UGT1A3: variants seen among roughly 807,000 people sequenced by gnomAD.
UGT1A3 encodes UDP-glucuronosyltransferase 1A3.
A neutral mutation model predicts 41.0 loss-of-function variants in UGT1A3; 31 were observed. The ratio of observed to expected loss-of-function variants is 0.76; its 90% CI spans 0.57 to 1.02. The LOEUF is 1.02. UGT1A3 is among the 50% of genes least tolerant of loss of function. The pLI, the probability that UGT1A3 is intolerant of heterozygous loss-of-function variation, is 0.00. For missense variants in UGT1A3, 737 were observed against 671.0 expected, an observed-to-expected ratio of 1.10 and a Z score of -1.09; for synonymous variants, 262 against 257.6, an observed-to-expected ratio of 1.02 and a Z score of -0.17.
In UGT1A3 at chr2:233,769,571, G is replaced by A. The variant is rs1223462167; in HGVS notation, c.1307+1132G>A. On this transcript the variant is annotated intron_variant, in intron 4 of 4. Coordinates refer to ENST00000482026, the MANE Select transcript of UGT1A3 (RefSeq NM_019093.4). This position sits in a 1 kb window ranked among gnomAD's most constrained non-coding sequence, Gnocchi z 4.4. ...AGGAAGACAGATGTGAAGAGCTGGAGCATGTTCAGATGAGAGGAGACGGAA... is the reference window on the plus strand; with the variant it reads ...AGGAAGACAGATGTGAAGAGCTGGAACATGTTCAGATGAGAGGAGACGGAA... 1 of 1,612,768 alleles carries A rather than the reference G, an allele frequency of 6.2e-7. No homozygotes were observed. The highest frequency in any genetic ancestry group is 1.3e-5 in the African/African-American group (1 of 74,922).
chr2:233,772,831 T>TCACACAAGAAAGCCAGCAAGGAAGCAAGG lies in UGT1A3; in HGVS notation c.*273_*274insACACAAGAAAGCCAGCAAGGAAGCAAGGC. On this transcript the variant is annotated 3_prime_UTR_variant, in exon 5 of 5. Coordinates refer to ENST00000482026, the MANE Select transcript of UGT1A3 (RefSeq NM_019093.4). ...AGAGGACGTGCAGACAGGCTGGCAT[T>TCACACAAGAAAGCCAGCAAGGAAGCAAGG]CTAGATTACTTTTCTTACTCTGAAA... The TCACACAAGAAAGCCAGCAAGGAAGCAAGG allele has an allele frequency of 4.5e-6, 4 of 893,952 alleles. No individual in the cohort carries two copies. Among genetic ancestry groups the TCACACAAGAAAGCCAGCAAGGAAGCAAGG allele is most frequent in the Non-Finnish European group, 6.2e-6 (4 of 642,656 alleles). 55.4% of individuals were successfully genotyped at this position (893,952 alleles called of 1,614,324 possible).
chr2:233,744,711 T>A (rs1692896185), intron 1 of UGT1A3, among the ~76,000 whole-genome samples: 1 of 151,888 alleles, frequency 6.6e-6, no homozygotes, highest in Non-Finnish European at 1.5e-5. Context: ...TGTACACTTG[T>A]GAGAGAATGA....
In UGT1A3 at chr2:233,760,701, C is replaced by G. The variant is rs768185321; in HGVS notation, c.868-6333C>G. 6.8e-6 allele frequency: 11 copies of G among 1,614,172 alleles called. No individual in the cohort carries two copies. In the Admixed American group the frequency reaches 1.8e-4, roughly 27 times the overall value. ...TACTGCACAACAAGGAGCTCATGGCCTCCCTGGCAGAAAGCAGCTTTGATG... is the reference window on the plus strand; with the variant it reads ...TACTGCACAACAAGGAGCTCATGGCGTCCCTGGCAGAAAGCAGCTTTGATG... On this transcript the variant is annotated intron_variant, in intron 1 of 4. Transcript: ENST00000482026.
chr2:233,760,682 A>G lies in UGT1A3; in HGVS notation c.868-6352A>G. On this transcript the variant is annotated intron_variant, in intron 1 of 4. Transcript: ENST00000482026. ...TTGTCTGGCTGTTCCCACTTACTGC[A>G]CAACAAGGAGCTCATGGCCTCCCTG... The G allele has an allele frequency of 6.2e-7, 1 of 1,614,208 alleles. No homozygotes were observed. The highest frequency in any genetic ancestry group is 1.1e-5 in the South Asian group (1 of 91,088).
chr2:233,733,094 T>C (rs1220598340), intron 1 of UGT1A3, among the ~76,000 whole-genome samples: 7 of 152,326 alleles, frequency 4.6e-5, no homozygotes, highest in Non-Finnish European at 8.8e-5. Context: ...AGTTCACTCA[T>C]GGTTTGGCTC....
chr2:233,733,665 C>A (rs572113839), intron 1 of UGT1A3, among the ~76,000 whole-genome samples: 1 of 152,162 alleles, frequency 6.6e-6, no homozygotes, highest in Non-Finnish European at 1.5e-5. Context: ...CCGACTTGAT[C>A]GATGTGGATA....
At chr2:233,757,561 T>TATATATATA (rs71058576) in intron 1 of UGT1A3, among the ~76,000 whole-genome samples, 1 of 121,178 alleles carries the variant, frequency 8.3e-6, no homozygotes, top group Non-Finnish European at 1.7e-5. Context: ...TATATATATA[T>TATATATATA]GTATATATGA....
intron 1 of UGT1A3, among the ~76,000 whole-genome samples, chr2:233,763,949 C>T (rs1698436640): frequency 6.6e-6 from 1 of 152,024 alleles, no homozygotes; most frequent in African/African-American, 2.4e-5. Flanking sequence ...AGCTTGGGAG[C>T]AGGGAAGGTT....
At chr2:233,747,955 T>C in intron 1 of UGT1A3, 1 of 1,613,464 alleles carries the variant, frequency 6.2e-7, no homozygotes, top group East Asian at 2.2e-5. Flanking sequence ...GTGGTGGATC[T>C]TCTCAGCCAT....
At position 233,747,957 on chromosome 2, in the gene UGT1A3, C is replaced by G. The variant is rs113780348; in HGVS notation, c.867+17964C>G. On this transcript the variant is annotated intron_variant, in intron 1 of 4. Transcript: ENST00000482026. Reference sequence around the variant, plus strand: ...GAGGGAGGTGTCAGTGGTGGATCTTCTCAGCCATGCATCTGTGTGGCTGTT... The same window carrying G: ...GAGGGAGGTGTCAGTGGTGGATCTTGTCAGCCATGCATCTGTGTGGCTGTT... 1,995 of 1,613,432 alleles carry G rather than the reference C, an allele frequency of 1.2e-3. 66 individuals carry two copies. The African/African-American group carries it at 0.02, about 16-fold the overall frequency.
At chr2:233,744,014 C>G (rs1692649024) in intron 1 of UGT1A3, 1 of 1,062,236 alleles carries the variant, frequency 9.4e-7, no homozygotes, top group Non-Finnish European at 1.2e-6. Context: ...CCTGGGCCGC[C>G]TGGAGAGACG....
At position 233,769,757 on chromosome 2, in the gene UGT1A3, A is replaced by G; in HGVS notation, c.1307+1318A>G. 7.1e-7 allele frequency: 1 copy of G among 1,417,082 alleles called. No individual in the cohort carries two copies. Among genetic ancestry groups the G allele is most frequent in the Non-Finnish European group, 9.2e-7 (1 of 1,082,860 alleles). 87.8% of individuals were successfully genotyped at this position (1,417,082 alleles called of 1,614,324 possible). A position where few individuals can be genotyped will look rare whatever the true frequency, so the allele number is the denominator to read the frequency against. On this transcript the variant is annotated intron_variant, in intron 4 of 4. Coordinates refer to ENST00000482026, the MANE Select transcript of UGT1A3 (RefSeq NM_019093.4). The surrounding 1 kb of genome is among the most constrained non-coding windows in gnomAD (Gnocchi z 4.4). ...GTAGTCCCAGCCACTCTGGAGGCTA[A>G]GGCGGGAGGATTGCTTGAGCCCAGA...
chr2:233,740,668 G>A (rs1267064015), intron 1 of UGT1A3: 1 of 151,782 alleles, frequency 6.6e-6, no homozygotes, highest in Non-Finnish European at 1.5e-5. Context: ...GAAGGTACAG[G>A]TGTTTCCATG....
At chr2:233,747,128 C>G (rs1346138562) in intron 1 of UGT1A3, 1 of 1,515,314 alleles carries the variant, frequency 6.6e-7, no homozygotes, top group Non-Finnish European at 8.9e-7. Context: ...CTAAGTGGCT[C>G]AGTGACAAGG....
intron 1 of UGT1A3, among the ~76,000 whole-genome samples, chr2:233,762,298 G>A (rs1261319801): frequency 6.6e-6 from 1 of 152,140 alleles, no homozygotes; most frequent in Non-Finnish European, 1.5e-5. Flanking sequence ...TGCCAACCGA[G>A]GTCTAGTTAA....
chr2:233,742,736 T>C (rs1017364884), intron 1 of UGT1A3: 1 of 152,920 alleles, frequency 6.5e-6, no homozygotes, highest in Non-Finnish European at 1.5e-5. Context: ...GATTCAAATG[T>C]CTGACCTCCA....
intron 1 of UGT1A3, among the ~76,000 whole-genome samples, chr2:233,745,961 G>C (rs1163113013): frequency 6.6e-6 from 1 of 151,702 alleles, no homozygotes; most frequent in Non-Finnish European, 1.5e-5. Context: ...TGGGGGACAG[G>C]GGCCCTGAAA....
chr2:233,736,190 T>C (rs573636337), intron 1 of UGT1A3, among the ~76,000 whole-genome samples: 9 of 152,368 alleles, frequency 5.9e-5, no homozygotes, highest in African/African-American at 2.2e-4. Flanking sequence ...CCCATATTTC[T>C]TCAAGGCTTT....
intron 1 of UGT1A3, among the ~76,000 whole-genome samples, chr2:233,751,602 T>C (rs1694760263): frequency 6.6e-6 from 1 of 152,210 alleles, no homozygotes; most frequent in Non-Finnish European, 1.5e-5. Context: ...GGATGGGACC[T>C]GGTGGGAGGT....
Sources: allele counts gnomAD v4.1 joint callset (sites outside exome capture counted in the v4.1 genomes callset), GRCh38; gene constraint gnomAD v4.1.1; non-coding constraint Gnocchi (gnomAD v3.1); transcripts MANE v1.5; gene names NCBI Gene and HGNC (gene_info 2026-07-23, HGNC 2026-07-21).